Variants in ERC2 observed in about 807,000 individuals in gnomAD.
ERC2 encodes ELKS/RAB6-interacting/CAST family member 2.
ERC2 carries 42 observed loss-of-function variants against 114.8 expected under a neutral mutation model. The observed-to-expected ratio is 0.37, with a 90% CI of 0.29 to 0.47. The LOEUF is 0.47. Ranked by LOEUF, ERC2 falls within the 20% of genes least tolerant of loss-of-function variation. ERC2 has a pLI of 0.99. For synonymous variants in ERC2, 454 were observed against 425.5 expected (o/e 1.07, Z -0.82); for missense variants, 939 against 1,150.7 (o/e 0.82, Z 2.66).
chr3:56,412,187 C>T (rs890136757), intron 2 of ERC2, among the ~76,000 whole-genome samples: 2 of 152,132 alleles, frequency 1.3e-5, no homozygotes, highest in African/African-American at 4.8e-5. Context: ...TACAATGCTG[C>T]GTCAACAAGC....
intron 13 of ERC2, among the ~76,000 whole-genome samples, chr3:55,895,043 G>A (rs1386384822): frequency 3.3e-5 from 5 of 152,132 alleles, no homozygotes; most frequent in Admixed American, 6.5e-5. Flanking sequence ...TTAAGGCCCT[G>A]TCTACACCTG....
chr3:55,955,851 C>T (rs996201759), intron 12 of ERC2, among the ~76,000 whole-genome samples: 20 of 152,306 alleles, frequency 1.3e-4, no homozygotes, highest in African/African-American at 4.1e-4. Context: ...AGTGGCTAAA[C>T]CTCGGAAGCA....
intron 9 of ERC2, 60 bp from the exon 10 acceptor site, chr3:56,007,381 A>G (rs1560013173): frequency 4.9e-6 from 7 of 1,415,894 alleles, no homozygotes; most frequent in Admixed American, 2.1e-5. Context: ...AATGCCTTCA[A>G]TTTGAACACA....
intron 14 of ERC2, among the ~76,000 whole-genome samples, chr3:55,885,881 C>T (rs1260674894): frequency 6.6e-6 from 1 of 152,160 alleles, no homozygotes; most frequent in Non-Finnish European, 1.5e-5. Flanking sequence ...GGGCATTTCT[C>T]CCAAGTCACA....
intron 7 of ERC2, among the ~76,000 whole-genome samples, chr3:56,049,824 G>A (rs1045387630): frequency 1.0e-4 from 5 of 47,836 alleles, no homozygotes; most frequent in Non-Finnish European, 2.8e-4. Flanking sequence ...ATATATGTGT[G>A]TGTGTGTGTG....
chr3:56,467,303 C>T (rs1057014613), intron 1 of ERC2, among the ~76,000 whole-genome samples: 6 of 152,296 alleles, frequency 3.9e-5, no homozygotes, highest in Admixed American at 3.9e-4. Context: ...CTGTCAATCA[C>T]AGAGGGAACC....
At position 55,737,468 on chromosome 3, in the gene ERC2, G is replaced by A. The variant is rs115162979; in HGVS notation, c.2565-2550C>T. Among the ~76,000 whole-genome samples, 14 of 152,312 alleles carry A rather than the reference G, an allele frequency of 9.2e-5. No homozygotes were observed. The East Asian group carries it at 2.1e-3, about 23-fold the overall frequency. On this transcript the variant is annotated intron_variant, in intron 14 of 17. Transcript: ENST00000288221. ...GGCTATACAGACTTTAAATCGGGGAGAGCCTATTTGCTATCTGCTATTCCA... is the reference window on the plus strand; with the variant it reads ...GGCTATACAGACTTTAAATCGGGGAAAGCCTATTTGCTATCTGCTATTCCA...
intron 2 of ERC2, among the ~76,000 whole-genome samples, chr3:56,365,799 C>T (rs1476105620): frequency 6.6e-6 from 1 of 152,198 alleles, no homozygotes; most frequent in South Asian, 2.1e-4. Context: ...GCCTGTCTAG[C>T]CTGCAAAGCC....
At chr3:55,577,769 G>T (rs2107548416) in intron 17 of ERC2, among the ~76,000 whole-genome samples, 1 of 152,224 alleles carries the variant, frequency 6.6e-6, no homozygotes, top group South Asian at 2.1e-4. Flanking sequence ...CAAAGACTAG[G>T]TCCTAGAGGG....
intron 13 of ERC2, among the ~76,000 whole-genome samples, chr3:55,946,889 C>T (rs946933711): frequency 1.3e-5 from 2 of 152,144 alleles, no homozygotes; most frequent in African/African-American, 4.8e-5. Flanking sequence ...AATTGGGACT[C>T]AGAACAAATA....
At chr3:56,365,113 T>C (rs2059100750) in intron 2 of ERC2, among the ~76,000 whole-genome samples, 1 of 152,242 alleles carries the variant, frequency 6.6e-6, no homozygotes, top group Admixed American at 6.5e-5. Flanking sequence ...CCTAAGTGTT[T>C]CATCAATGAT....
At chr3:56,134,591 T>A (rs1036336361) in intron 6 of ERC2, among the ~76,000 whole-genome samples, 21 of 152,302 alleles carry the variant, frequency 1.4e-4, no homozygotes, top group Admixed American at 3.3e-4. Context: ...GGGGGTTTAA[T>A]TGCATAAGAT....
intron 2 of ERC2, among the ~76,000 whole-genome samples, chr3:56,317,646 A>T (rs2034625): frequency 6.6e-6 from 1 of 152,180 alleles, no homozygotes; most frequent in African/African-American, 2.4e-5. Flanking sequence ...CTCAAAAAAT[A>T]TTTATTGAAC....
intron 14 of ERC2, among the ~76,000 whole-genome samples, chr3:55,781,708 T>G (rs1421416560): frequency 1.3e-5 from 2 of 151,544 alleles, no homozygotes; most frequent in African/African-American, 2.4e-5. Flanking sequence ...CTGTCTCTAC[T>G]AAAAATACAA....
chr3:56,439,304 G>A (rs951777995), intron 1 of ERC2, among the ~76,000 whole-genome samples: 2 of 152,210 alleles, frequency 1.3e-5, no homozygotes, highest in African/African-American at 4.8e-5. Flanking sequence ...AATTAGCCCA[G>A]TGTGGTGTCA....
At chr3:55,986,528 T>C (rs897334902) in intron 11 of ERC2, among the ~76,000 whole-genome samples, 3 of 152,134 alleles carry the variant, frequency 2.0e-5, no homozygotes, top group African/African-American at 7.2e-5. Flanking sequence ...GGTTCAAAGA[T>C]TTCCATTTTA....
chr3:56,358,554 A>T (rs2058829986), intron 2 of ERC2, among the ~76,000 whole-genome samples: 1 of 152,258 alleles, frequency 6.6e-6, no homozygotes, highest in South Asian at 2.1e-4. Flanking sequence ...TAATGCAACT[A>T]TCACCTAACT....
intron 14 of ERC2, among the ~76,000 whole-genome samples, chr3:55,830,952 C>T (rs375253703): frequency 1.3e-5 from 2 of 151,586 alleles, no homozygotes; most frequent in African/African-American, 2.4e-5. Flanking sequence ...TCTTTAAAAA[C>T]TAAAATAAAA....
At chr3:55,546,812 C>A (rs572972806) in intron 17 of ERC2, among the ~76,000 whole-genome samples, 66 of 152,352 alleles carry the variant, frequency 4.3e-4, no homozygotes, top group African/African-American at 1.5e-3. Context: ...CCACCCCTAA[C>A]CCAGCCACTT....
Sources: allele counts gnomAD v4.1 joint callset (sites outside exome capture counted in the v4.1 genomes callset), GRCh38; gene constraint gnomAD v4.1.1; transcripts MANE v1.5; gene names NCBI Gene and HGNC (gene_info 2026-07-23, HGNC 2026-07-21).